ARL15: variants seen among roughly 807,000 people sequenced by gnomAD.
The protein encoded by ARL15 is ADP-ribosylation factor-like protein 15.
In ARL15, 19 loss-of-function variants were observed where a neutral mutation model predicts 25.2. The ratio of observed to expected loss-of-function variants is 0.75; its 90% confidence interval spans 0.53 to 1.10. The LOEUF is 1.10. ARL15 is among the 50% of genes least tolerant of loss of function. ARL15 has a pLI of 0.00. For missense variants in ARL15, 220 were observed against 246.0 expected (o/e 0.89, Z 0.71); for synonymous variants, 94 against 86.8 (o/e 1.08, Z -0.46).
At chr5:53,889,945 G>A (rs898487633) in intron 4 of ARL15, among the ~76,000 whole-genome samples, 7 of 151,664 alleles carry the variant, frequency 4.6e-5, no homozygotes, top group East Asian at 1.9e-4. Flanking sequence ...CCCACGGAGC[G>A]GAGATTACAG....
intron 2 of ARL15, among the ~76,000 whole-genome samples, chr5:54,168,465 A>G (rs1236836128): frequency 6.6e-6 from 1 of 151,378 alleles, no homozygotes; most frequent in Non-Finnish European, 1.5e-5. Context: ...TGATTGTTTT[A>G]TCTTCCTTTC....
rs62370408 is a variant in ARL15 at position 54,134,497 on chromosome 5, C to T, written c.253+20083G>A. On this transcript the variant is annotated intron_variant, in intron 3 of 4. Coordinates refer to ENST00000504924, the MANE Select transcript of ARL15 (RefSeq NM_019087.3). ...TAACTCTACTATAGCAATTATCACA[C>T]TCCATTACAGTTTTATAATTACATG... Among the ~76,000 whole-genome samples, 798 of 150,346 alleles carry T rather than the reference C, an allele frequency of 5.3e-3. 5 individuals are homozygous for T. The highest frequency in any genetic ancestry group is 8.8e-3 in the Non-Finnish European group (597 of 67,648).
intron 2 of ARL15, among the ~76,000 whole-genome samples, chr5:54,155,075 C>A (rs1297443237): frequency 6.6e-6 from 1 of 152,108 alleles, no homozygotes; most frequent in Non-Finnish European, 1.5e-5. Flanking sequence ...AAGCTGAGAT[C>A]GGGCCACTGC....
intron 4 of ARL15, among the ~76,000 whole-genome samples, chr5:53,984,861 A>G (rs1172389937): frequency 1.3e-5 from 2 of 152,176 alleles, no homozygotes; most frequent in Non-Finnish European, 2.9e-5. Context: ...TGTAGGATTC[A>G]GAACTGAAAA....
intron 2 of ARL15, among the ~76,000 whole-genome samples, chr5:54,167,137 C>T (rs138344926): frequency 2.6e-5 from 4 of 152,304 alleles, no homozygotes; most frequent in Non-Finnish European, 5.9e-5. Context: ...TGTATGAACA[C>T]CAACCACTGT....
intron 4 of ARL15, among the ~76,000 whole-genome samples, chr5:53,889,690 A>G (rs1744651358): frequency 1.3e-5 from 2 of 152,232 alleles, no homozygotes; most frequent in African/African-American, 4.8e-5. Context: ...ATTCAAGTAC[A>G]GTGAGTGACT....
chr5:54,247,856 A>G (rs540614744), intron 1 of ARL15, among the ~76,000 whole-genome samples: 1 of 152,274 alleles, frequency 6.6e-6, no homozygotes, highest in South Asian at 2.1e-4. Context: ...GAAAAAAATA[A>G]ATAAAATAAA....
intron 1 of ARL15, among the ~76,000 whole-genome samples, chr5:54,176,055 C>T (rs1056308043): frequency 3.9e-5 from 6 of 152,204 alleles, no homozygotes; most frequent in Non-Finnish European, 8.8e-5. Flanking sequence ...ATCTCCCCCT[C>T]CGTCTCCCCA....
intron 4 of ARL15, among the ~76,000 whole-genome samples, chr5:53,946,610 G>GTATAAGCGGTGCC (rs1561160642): frequency 6.6e-6 from 1 of 152,110 alleles, no homozygotes; most frequent in East Asian, 1.9e-4. Context: ...ACCATATTCT[G>GTATAAGCGGTGCC]TATAAGCGGT....
intron 3 of ARL15, among the ~76,000 whole-genome samples, 180 bp from the exon 4 acceptor site, chr5:54,113,590 A>C (rs1213758194): frequency 3.3e-5 from 5 of 152,244 alleles, no homozygotes; most frequent in Non-Finnish European, 7.3e-5. Flanking sequence ...GGAACAAAGA[A>C]GGCAGTAGAG....
chr5:53,980,264 T>C (rs1561174468), intron 4 of ARL15, among the ~76,000 whole-genome samples: 1 of 152,236 alleles, frequency 6.6e-6, no homozygotes, highest in Non-Finnish European at 1.5e-5. Context: ...TTCTTTTAAG[T>C]AGCATCAAAG....
chr5:54,280,563 T>A (rs571277017), intron 1 of ARL15, among the ~76,000 whole-genome samples: 1 of 152,356 alleles, frequency 6.6e-6, no homozygotes, highest in African/African-American at 2.4e-5. Context: ...TTGTAAAGGC[T>A]ATAAAGACAA....
Position 54,171,871 on chromosome 5 carries a change from C to G in ARL15, c.106G>C (p.Val36Leu). Residue 36 changes from valine (V) to leucine (L), a missense_variant, in exon 2 of 5, where the codon GTT (valine) becomes CTT (leucine). Physicochemically the swap from Val to Leu is conservative, Grantham distance 32. Coordinates refer to ENST00000504924, the MANE Select transcript of ARL15 (RefSeq NM_019087.3). ...CCAGAACCTGTGAGGCCTATGCAAA[C>G]CAGGTCATATTCTGGTCGTGCAGGT... ...PPPARPEYDL[V>L]CIGLTGSGKT... 4 of 1,613,602 alleles carry G rather than the reference C, an allele frequency of 2.5e-6. No individual in the cohort carries two copies. The highest frequency in any genetic ancestry group is 2.2e-5 in the East Asian group (1 of 44,842).
chr5:54,153,057 AG>A (rs1754115945), intron 3 of ARL15, among the ~76,000 whole-genome samples: 1 of 142,764 alleles, frequency 7.0e-6, no homozygotes, highest in South Asian at 2.2e-4. Context: ...GTTCAATAAA[AG>A]CTTTGTGTCC....
At chr5:53,988,321 G>GA (rs756851983) in intron 4 of ARL15, among the ~76,000 whole-genome samples, 153 of 106,880 alleles carry the variant, frequency 1.4e-3, no homozygotes, top group East Asian at 9.2e-3. Flanking sequence ...AAGAAAAAAA[G>GA]AAAAAAAAAA....
intron 1 of ARL15, chr5:54,285,313 T>C: frequency 1.2e-6 from 1 of 844,180 alleles, no homozygotes; most frequent in South Asian, 5.5e-5. Context: ...AAAAGAATAC[T>C]AAATTTGAAA....
At chr5:54,207,916 C>A (rs1453168876) in intron 1 of ARL15, among the ~76,000 whole-genome samples, 1 of 152,182 alleles carries the variant, frequency 6.6e-6, no homozygotes, top group Non-Finnish European at 1.5e-5. Context: ...GAAGGCTACA[C>A]CTTTTATTTT....
At chr5:53,945,806 T>C (rs1021461901) in intron 4 of ARL15, among the ~76,000 whole-genome samples, 2 of 152,210 alleles carry the variant, frequency 1.3e-5, no homozygotes, top group African/African-American at 4.8e-5. Context: ...GTGTTCTCAT[T>C]CCACTAACCA....
intron 1 of ARL15, among the ~76,000 whole-genome samples, chr5:54,278,891 C>A (rs1172674620): frequency 6.6e-6 from 1 of 152,218 alleles, no homozygotes; most frequent in Admixed American, 6.5e-5. Flanking sequence ...TTAATGGAGG[C>A]ATACATTTAC....
Sources: allele counts gnomAD v4.1 joint callset (sites outside exome capture counted in the v4.1 genomes callset), GRCh38; gene constraint gnomAD v4.1.1; transcripts MANE v1.5; gene names NCBI Gene and HGNC (gene_info 2026-07-23, HGNC 2026-07-21).